The following NHERF1 variants were observed in gnomAD, a reference collection of about 807,000 sequenced individuals.
NHERF1 encodes the protein Na(+)/H(+) exchange regulatory cofactor NHE-RF1.
the NHERF1 span, among the ~76,000 whole-genome samples, chr17:74,749,599 G>A: frequency 1.1e-3 from 161 of 152,272 alleles, no homozygotes; most frequent in Non-Finnish European, 1.1e-3. This position sits in a 1 kb window ranked among gnomAD's most constrained non-coding sequence, Gnocchi z 5.6. Context: ...CGGGTCTGTG[G>A]GTGTCTGCTC....
chr17:74,764,094 GCCAA>G, the NHERF1 span, among the ~76,000 whole-genome samples: 2 of 152,226 alleles, frequency 1.3e-5, no homozygotes, highest in African/African-American at 4.8e-5. This position sits in a 1 kb window ranked among gnomAD's most constrained non-coding sequence, Gnocchi z 4.9. Flanking sequence ...CCAGGCCCGA[GCCAA>G]ACAGGGCAGG....
the NHERF1 span, among the ~76,000 whole-genome samples, chr17:74,766,706 A>G: frequency 1.3e-5 from 2 of 152,066 alleles, no homozygotes; most frequent in Non-Finnish European, 2.9e-5. Flanking sequence ...GCTTGGGGCT[A>G]GGAGTTTGAG....
At chr17:74,758,635 TCTC>T in the NHERF1 span, among the ~76,000 whole-genome samples, 4 of 151,970 alleles carry the variant, frequency 2.6e-5, no homozygotes, top group Non-Finnish European at 5.9e-5. This position sits in a 1 kb window ranked among gnomAD's most constrained non-coding sequence, Gnocchi z 4.3. Context: ...TCCTTTTGAG[TCTC>T]CTCCTCCCAC....
the NHERF1 span, among the ~76,000 whole-genome samples, chr17:74,757,122 C>T: frequency 1.3e-5 from 2 of 152,144 alleles, no homozygotes. Context: ...TCTGCCCCCT[C>T]TTGCCCCCGT....
the NHERF1 span, among the ~76,000 whole-genome samples, chr17:74,753,649 G>A: frequency 6.6e-6 from 1 of 151,970 alleles, no homozygotes. Context: ...ATCACTTCGG[G>A]AGGCTGAGGC....
the NHERF1 span, among the ~76,000 whole-genome samples, chr17:74,752,514 G>GT: frequency 2.4e-4 from 37 of 151,246 alleles, no homozygotes; most frequent in East Asian, 5.8e-4. Flanking sequence ...TTTTGTTTTT[G>GT]TTTTTTTTGA....
At chr17:74,756,022 C>T in the NHERF1 span, among the ~76,000 whole-genome samples, 3 of 148,452 alleles carry the variant, frequency 2.0e-5, no homozygotes, top group Admixed American at 6.7e-5. Context: ...GGTGCGATCT[C>T]GGCTCACTGC....
chr17:74,764,003 A>G, the NHERF1 span, among the ~76,000 whole-genome samples: 1 of 152,138 alleles, frequency 6.6e-6, no homozygotes. This position sits in a 1 kb window ranked among gnomAD's most constrained non-coding sequence, Gnocchi z 4.9. Context: ...TCTAGAGAGT[A>G]GTGGGTCCCC....
the NHERF1 span, among the ~76,000 whole-genome samples, chr17:74,767,271 C>T: frequency 2.0e-5 from 3 of 152,230 alleles, no homozygotes; most frequent in Admixed American, 6.5e-5. Flanking sequence ...ATTCTTCCCC[C>T]CAAGAACAGA....
the NHERF1 span, chr17:74,763,345 C>A: frequency 6.2e-7 from 1 of 1,607,224 alleles, no homozygotes; most frequent in South Asian, 1.1e-5. Context: ...GTCCGTAACG[C>A]CTCCCCGACC....
At chr17:74,758,233 C>G in the NHERF1 span, among the ~76,000 whole-genome samples, 1 of 152,194 alleles carries the variant, frequency 6.6e-6, no homozygotes. The surrounding 1 kb of genome is among the most constrained non-coding windows in gnomAD (Gnocchi z 4.3). Flanking sequence ...GCCCGCCATC[C>G]GCTCCCTGGA....
the NHERF1 span, among the ~76,000 whole-genome samples, chr17:74,764,092 G>C: frequency 6.6e-6 from 1 of 152,188 alleles, no homozygotes; most frequent in Non-Finnish European, 1.5e-5. This position sits in a 1 kb window ranked among gnomAD's most constrained non-coding sequence, Gnocchi z 4.9. Flanking sequence ...GCCCAGGCCC[G>C]AGCCAAACAG....
chr17:74,763,629 G>A, the NHERF1 span: 67 of 1,120,654 alleles, frequency 6.0e-5, no homozygotes, highest in Admixed American at 5.5e-4. Flanking sequence ...GCAGCTTCCC[G>A]GCATGGGTGC....
the NHERF1 span, among the ~76,000 whole-genome samples, chr17:74,758,618 G>C: frequency 6.6e-6 from 1 of 152,148 alleles, no homozygotes; most frequent in Non-Finnish European, 1.5e-5. The surrounding 1 kb of genome is among the most constrained non-coding windows in gnomAD (Gnocchi z 4.3). Context: ...ACTCACTGGG[G>C]CTATGTTCCT....
the NHERF1 span, chr17:74,768,659 G>A: frequency 6.4e-5 from 104 of 1,612,588 alleles, no homozygotes; most frequent in African/African-American, 2.1e-4. Flanking sequence ...ACCTCTGAGC[G>A]CCCTGCTGCC....
chr17:74,753,846 G>A, the NHERF1 span, among the ~76,000 whole-genome samples: 1 of 151,932 alleles, frequency 6.6e-6, no homozygotes, highest in Non-Finnish European at 1.5e-5. Context: ...GGAAAGTGGG[G>A]TGGGAAATTA....
At chr17:74,752,490 TTTTTTGTTTTTG>T in the NHERF1 span, among the ~76,000 whole-genome samples, 328 of 152,018 alleles carry the variant, frequency 2.2e-3, 2 homozygotes, top group African/African-American at 7.6e-3. Flanking sequence ...TTCCTTCACT[TTTTTTGTTTTTG>T]TTTTTGTTTT....
the NHERF1 span, among the ~76,000 whole-genome samples, chr17:74,754,399 CTTTTT>C: frequency 5.0e-5 from 3 of 59,706 alleles, no homozygotes; most frequent in African/African-American, 1.4e-4. Flanking sequence ...TTCTTTCTTT[CTTTTT>C]TTTTTTTTTT....
At chr17:74,767,012 C>A in the NHERF1 span, 3 of 1,594,848 alleles carry the variant, frequency 1.9e-6, no homozygotes, top group Non-Finnish European at 2.6e-6. Context: ...GGATTTCAAT[C>A]CTTGGGGTGC....
Sources: gnomAD v4.1 joint callset for allele counts (sites outside exome capture counted in the v4.1 genomes callset) on GRCh38, gnomAD v4.1.1 for gene constraint, Gnocchi (gnomAD v3.1) non-coding constraint, MANE v1.5 for transcripts, NCBI Gene and HGNC (gene_info 2026-07-23, HGNC 2026-07-21) for gene names.